PDPN: variants seen among roughly 807,000 people sequenced by gnomAD.
The protein encoded by PDPN is PA2.26 antigen.
A neutral mutation model predicts 23.2 loss-of-function variants in PDPN; 12 were observed. The ratio of observed to expected loss-of-function variants is 0.52; its 90% confidence interval spans 0.33 to 0.84. The LOEUF is 0.84. Ranked by LOEUF, PDPN falls within the 40% of genes least tolerant of loss-of-function variation. PDPN has a pLI of 0.02. For synonymous variants in PDPN, 77 were observed against 76.7 expected (o/e 1.00, Z -0.02); for missense variants, 199 against 212.2 (o/e 0.94, Z 0.39).
At chr1:13,586,757 TG>T (rs1299195652) in intron 1 of PDPN, among the ~76,000 whole-genome samples, 1 of 130,520 alleles carries the variant, frequency 7.7e-6, no homozygotes, top group Middle Eastern at 3.6e-3. Flanking sequence ...TACACTACTC[TG>T]CCATTAAAAA....
chr1:13,597,004 C>A (rs1158787946), intron 1 of PDPN, among the ~76,000 whole-genome samples: 3 of 152,080 alleles, frequency 2.0e-5, no homozygotes, highest in African/African-American at 7.2e-5. Flanking sequence ...GGCTTCTGGG[C>A]TCAGTTTTGA....
rs753681060 is a variant in PDPN, at chr1:13,584,212, G to C, written c.67+112G>C. On this transcript the variant is annotated intron_variant, in intron 1 of 5. Coordinates refer to ENST00000621990, the MANE Select transcript of PDPN (RefSeq NM_006474.5). ...AGGTTGTCCAGGGGAGCGCGGGGGAGCTGAGGGTGTGTGCGTGTCAGGCGG... is the reference window on the plus strand; with the variant it reads ...AGGTTGTCCAGGGGAGCGCGGGGGACCTGAGGGTGTGTGCGTGTCAGGCGG... 4.6e-6 allele frequency: 7 copies of C among 1,520,574 alleles called. No individual in the cohort carries two copies. In the South Asian group the frequency reaches 8.3e-5, roughly 18 times the overall value. 94.2% of individuals were successfully genotyped at this position (1,520,574 alleles called of 1,614,324 possible).
At chr1:13,610,742 C>T (rs1446850113) in intron 3 of PDPN, among the ~76,000 whole-genome samples, 1 of 152,196 alleles carries the variant, frequency 6.6e-6, no homozygotes, top group African/African-American at 2.4e-5. Flanking sequence ...GTGATAACAC[C>T]TGCACAGGGT....
rs35244657 is a variant in PDPN, at chr1:13,599,011, C to CTTTTTTTTTT, written c.68-8154_68-8145dup. ...ACAGTCCAAGAAAGTGCCCCCCCTC[C>CTTTTTTTTTT]TTTTTTTTTTTTTTTTTGGAGATGG... On this transcript the variant is annotated intron_variant, in intron 1 of 5. Coordinates refer to ENST00000621990, the MANE Select transcript of PDPN (RefSeq NM_006474.5). Among the ~76,000 whole-genome samples, 92 of 127,034 alleles carry CTTTTTTTTTT rather than the reference C, an allele frequency of 7.2e-4. 1 individual carries two copies. The highest frequency in any genetic ancestry group is 2.5e-3 in the African/African-American group (86 of 34,036). The allele number at this position is 127,034 out of a possible 152,430, so 83.3% of individuals were successfully genotyped here. A position where few individuals can be genotyped will look rare whatever the true frequency, so the allele number is the denominator to read the frequency against.
chr1:13,615,497 A>G (rs1221654601), intron 5 of PDPN, among the ~76,000 whole-genome samples: 1 of 152,106 alleles, frequency 6.6e-6, no homozygotes, highest in African/African-American at 2.4e-5. Flanking sequence ...CATGTTGGCC[A>G]GGATGGTCTC....
intron 1 of PDPN, among the ~76,000 whole-genome samples, chr1:13,597,157 A>G (rs2100232113): frequency 6.6e-6 from 1 of 152,338 alleles, no homozygotes; most frequent in Middle Eastern, 3.4e-3. Context: ...GCTAGAATTA[A>G]TTAATAGTTA....
In PDPN at chr1:13,610,970, C is replaced by T. The variant is rs138147595; in HGVS notation, c.331+454C>T. Among the ~76,000 whole-genome samples the T allele has an allele frequency of 2.2e-4, 34 of 152,328 alleles. No individual in the cohort carries two copies. The East Asian group carries it at 5.2e-3, about 23-fold the overall frequency. On this transcript the variant is annotated intron_variant, in intron 3 of 5. Coordinates refer to ENST00000621990, the MANE Select transcript of PDPN (RefSeq NM_006474.5). The stretch of plus-strand genomic sequence containing the variant: ...GGCGCGGTGGCTCACGCCTATAATC[C>T]GAGCACTTTGGGAGGCTGAGGCGGG...
At chr1:13,605,418 T>A (rs1489038292) in intron 1 of PDPN, among the ~76,000 whole-genome samples, 1 of 152,196 alleles carries the variant, frequency 6.6e-6, no homozygotes, top group East Asian at 1.9e-4. Context: ...CACTGGAGTT[T>A]AGGGAAGAAG....
At chr1:13,595,828 G>A in intron 1 of PDPN, 2 of 1,270,718 alleles carry the variant, frequency 1.6e-6, no homozygotes, top group Non-Finnish European at 2.1e-6. Context: ...TCATTACAGG[G>A]GAAGGCGTTT....
intron 1 of PDPN, among the ~76,000 whole-genome samples, chr1:13,601,154 T>C (rs1640632103): frequency 2.6e-5 from 4 of 152,224 alleles, no homozygotes; most frequent in Admixed American, 2.6e-4. Context: ...AGTTTTATTC[T>C]AGCTACTCCC....
chr1:13,584,627 C>T (rs922660696), intron 1 of PDPN, among the ~76,000 whole-genome samples: 7 of 152,228 alleles, frequency 4.6e-5, no homozygotes, highest in African/African-American at 1.4e-4. Context: ...ACTCAGCACC[C>T]CGTCACTGGA....
At chr1:13,596,039 A>G in intron 1 of PDPN, 1 of 364,912 alleles carries the variant, frequency 2.7e-6, no homozygotes, top group Non-Finnish European at 5.2e-6. Flanking sequence ...CTCTACTAAA[A>G]ATACAAAAAA....
intron 1 of PDPN, among the ~76,000 whole-genome samples, chr1:13,594,994 CAAAA>C (rs1382399608): frequency 3.7e-5 from 3 of 80,130 alleles, no homozygotes; most frequent in African/African-American, 9.6e-5. Context: ...GACTCCTTCT[CAAAA>C]AAAAAAAAAA....
rs373243877 is a variant in PDPN, at chr1:13,615,863, G to A, written c.483-42G>A. The stretch of plus-strand genomic sequence containing the variant: ...GACTCACGGAGTTACTATTCACAAT[G>A]CCAGTAAGAGACACGACCGTCACCC... On this transcript the variant is annotated intron_variant, in intron 5 of 5. Transcript: ENST00000621990. 5.6e-6 allele frequency: 9 copies of A among 1,594,858 alleles called. No individual in the cohort carries two copies. The African/African-American group carries it at 1.2e-4, about 21-fold the overall frequency.
chr1:13,614,756 C>G (rs899377755), intron 5 of PDPN: 9 of 478,294 alleles, frequency 1.9e-5, no homozygotes, highest in South Asian at 1.4e-4. Context: ...CACTGCACTC[C>G]AGCCTGGGTG....
intron 3 of PDPN, among the ~76,000 whole-genome samples, chr1:13,613,416 C>T (rs1640984326): frequency 6.6e-6 from 1 of 152,132 alleles, no homozygotes; most frequent in Admixed American, 6.5e-5. Flanking sequence ...GTTTCCTTTA[C>T]TCTGCTTTCT....
In PDPN at chr1:13,606,038, G is replaced by A. The variant is rs536980115; in HGVS notation, c.68-1135G>A. ...TTTTTTTGGAGATTGGGTTTCGGCT[G>A]GAGTGCAGTGATGCGATCTCAGCTT... On this transcript the variant is annotated intron_variant, in intron 1 of 5. Transcript: ENST00000621990. 5.3e-5 allele frequency among the ~76,000 whole-genome samples: 8 copies of A among 151,926 alleles called. No homozygotes were observed. In the South Asian group the frequency reaches 1.2e-3, roughly 24 times the overall value.
At chr1:13,596,357 T>C (rs1339065977) in intron 1 of PDPN, among the ~76,000 whole-genome samples, 1 of 152,022 alleles carries the variant, frequency 6.6e-6, no homozygotes, top group Non-Finnish European at 1.5e-5. Flanking sequence ...GAAAATTCAG[T>C]GAGGGGACAT....
chr1:13,595,848 G>A (rs1193048527), intron 1 of PDPN: 4 of 1,287,076 alleles, frequency 3.1e-6, no homozygotes, highest in Non-Finnish European at 4.1e-6. Context: ...TAACAACTCG[G>A]GGGTGAAGCC....
Sources: allele counts gnomAD v4.1 joint callset (sites outside exome capture counted in the v4.1 genomes callset), GRCh38; gene constraint gnomAD v4.1.1; transcripts MANE v1.5; gene names NCBI Gene and HGNC (gene_info 2026-07-23, HGNC 2026-07-21).